The following CHST10 variants were observed in gnomAD, a reference collection of about 807,000 sequenced individuals.
CHST10 encodes carbohydrate sulfotransferase 10.
CHST10 carries 24 observed loss-of-function variants against 34.7 expected under a neutral mutation model. That is an observed-to-expected ratio of 0.69 (90% CI 0.50 to 0.97). CHST10 has a LOEUF of 0.97. Among genes scored for constraint, CHST10 ranks in the 50% least tolerant of loss-of-function variants. CHST10 has a pLI of 0.00. For synonymous variants in CHST10, 161 were observed against 169.3 expected (o/e 0.95, Z 0.38); for missense variants, 402 against 452.1 (o/e 0.89, Z 1.00).
intron 5 of CHST10, among the ~76,000 whole-genome samples, chr2:100,397,282 A>C (rs1021787062): frequency 6.6e-6 from 1 of 152,270 alleles, no homozygotes; most frequent in Non-Finnish European, 1.5e-5. Context: ...TCAAAACTGC[A>C]GTGTATGAGG....
intron 4 of CHST10, among the ~76,000 whole-genome samples, chr2:100,400,084 T>C (rs1025132760): frequency 6.6e-6 from 1 of 152,170 alleles, no homozygotes; most frequent in Non-Finnish European, 1.5e-5. Flanking sequence ...CTAACCCTGA[T>C]CATGGATGGC....
intron 4 of CHST10, among the ~76,000 whole-genome samples, chr2:100,401,309 T>A (rs934157955): frequency 6.6e-6 from 1 of 152,150 alleles, no homozygotes; most frequent in African/African-American, 2.4e-5. Context: ...AGAGGGCGGC[T>A]CGGAAGACCA....
rs554773227 is a variant in CHST10 at position 100,402,614 on chromosome 2, G to A, written c.142C>T (p.Pro48Ser). 3 of 1,613,834 alleles carry A rather than the reference G, an allele frequency of 1.9e-6. No homozygotes were observed. The South Asian group carries it at 3.3e-5, about 18-fold the overall frequency. ...KQEFLFLTTM[P>S]EVRKLPEEKH... ...TCTTCTGGCAACTTCCTCACTTCCG[G>A]CATGGTTGTCAGGAACAGAAACTCC... Residue 48 changes from proline (P) to serine (S), a missense_variant, in exon 4 of 7, where the codon CCG (proline) becomes TCG (serine). Transcript: ENST00000264249.
In CHST10 at chr2:100,395,477, T is replaced by A. The variant is rs543485710; in HGVS notation, c.533+32A>T. ...AATTTCTTCTCAGGTTTACAAAAAC[T>A]CCCCCCTCCCCTTTGAGGAAGCTGT... On this transcript the variant is annotated intron_variant, in intron 6 of 6. Transcript: ENST00000264249. 85 of 1,581,688 alleles carry A rather than the reference T, an allele frequency of 5.4e-5. No individual in the cohort carries two copies. In the South Asian group the frequency reaches 8.2e-4, roughly 15 times the overall value.
At chr2:100,401,732 G>A (rs977787040) in intron 4 of CHST10, among the ~76,000 whole-genome samples, 2 of 152,090 alleles carry the variant, frequency 1.3e-5, no homozygotes, top group African/African-American at 4.8e-5. Flanking sequence ...AATGTCCTAC[G>A]AGAAGTAACC....
chr2:100,417,095 A>C, intron 1 of CHST10: 8 of 1,290,896 alleles, frequency 6.2e-6, no homozygotes, highest in Admixed American at 2.3e-5. Flanking sequence ...GCAAATTCTC[A>C]GCCAAGGATG....
At chr2:100,414,585 A>G (rs1675986295) in intron 2 of CHST10, among the ~76,000 whole-genome samples, 2 of 152,214 alleles carry the variant, frequency 1.3e-5, no homozygotes, top group African/African-American at 4.8e-5. Context: ...TATACTATAA[A>G]GTTCTATTGC....
chr2:100,408,263 G>A (rs946586770), intron 2 of CHST10: 25 of 151,840 alleles, frequency 1.6e-4, no homozygotes, highest in Admixed American at 1.6e-3. Context: ...CACCCAGCAG[G>A]GGCATGCCAA....
chr2:100,401,966 C>T (rs1381023071), intron 4 of CHST10, among the ~76,000 whole-genome samples: 1 of 152,140 alleles, frequency 6.6e-6, no homozygotes, highest in Admixed American at 6.5e-5. Flanking sequence ...AGAGGCCTTC[C>T]AGAGTGCACC....
intron 2 of CHST10, among the ~76,000 whole-genome samples, chr2:100,409,391 C>T (rs963009850): frequency 2.6e-5 from 4 of 152,190 alleles, no homozygotes; most frequent in African/African-American, 7.2e-5. Flanking sequence ...ATTTCTCCAA[C>T]TACATGAGTT....
intron 2 of CHST10, among the ~76,000 whole-genome samples, chr2:100,412,293 G>T (rs1384841654): frequency 6.6e-6 from 1 of 152,198 alleles, no homozygotes; most frequent in Non-Finnish European, 1.5e-5. Flanking sequence ...TGAGCTACGA[G>T]GATCCACATT....
chr2:100,411,551 T>C (rs957800007), intron 2 of CHST10, among the ~76,000 whole-genome samples: 5 of 152,208 alleles, frequency 3.3e-5, no homozygotes, highest in Non-Finnish European at 7.3e-5. Context: ...GTTTACAAAA[T>C]ACAGCACTCA....
intron 4 of CHST10, among the ~76,000 whole-genome samples, chr2:100,398,538 T>C (rs1251481752): frequency 6.6e-6 from 1 of 152,090 alleles, no homozygotes; most frequent in African/African-American, 2.4e-5. Context: ...ACCCCATCTC[T>C]ACTAAAAATA....
chr2:100,408,320 C>A (rs1675673494), intron 2 of CHST10: 1 of 152,178 alleles, frequency 6.6e-6, no homozygotes, highest in East Asian at 1.9e-4. Flanking sequence ...ATCCCACAAT[C>A]CCCTCCTCCT....
At chr2:100,410,004 G>A (rs1469042577) in intron 2 of CHST10, among the ~76,000 whole-genome samples, 1 of 152,084 alleles carries the variant, frequency 6.6e-6, no homozygotes, top group African/African-American at 2.4e-5. Context: ...TCCAGTGGGG[G>A]ATGTGGATTT....
At chr2:100,417,145 C>G (rs1198842103) in intron 1 of CHST10, 2 of 1,026,318 alleles carry the variant, frequency 1.9e-6, no homozygotes, top group Non-Finnish European at 2.7e-6. Flanking sequence ...TCAATAATTC[C>G]GCGGGTCACA....
intron 3 of CHST10, among the ~76,000 whole-genome samples, chr2:100,402,943 T>TA (rs1395001772): frequency 1.3e-5 from 2 of 150,982 alleles, no homozygotes; most frequent in South Asian, 2.1e-4. Context: ...TCAATCTTTT[T>TA]AAAAAACAAC....
chr2:100,395,740 C>T (rs372645850), intron 5 of CHST10, 126 bp from the exon 6 acceptor site: 9 of 602,426 alleles, frequency 1.5e-5, no homozygotes, highest in African/African-American at 1.3e-4. Flanking sequence ...AGCCCACCCC[C>T]AATATCCAAG....
intron 4 of CHST10, among the ~76,000 whole-genome samples, chr2:100,400,670 C>A (rs1053594993): frequency 5.9e-5 from 9 of 152,212 alleles, no homozygotes; most frequent in Non-Finnish European, 1.2e-4. Flanking sequence ...TTCGGCTACA[C>A]CATGCACAAA....
Sources: allele counts gnomAD v4.1 joint callset (sites outside exome capture counted in the v4.1 genomes callset), GRCh38; gene constraint gnomAD v4.1.1; transcripts MANE v1.5; gene names NCBI Gene and HGNC (gene_info 2026-07-23, HGNC 2026-07-21).